ERICH3: variants seen among roughly 807,000 people sequenced by gnomAD.
ERICH3 encodes the protein glutamate rich 3.
Under a neutral mutation model 131.1 loss-of-function variants are expected in ERICH3, and 126 were observed. The observed-to-expected ratio is 0.96, with a 90% confidence interval of 0.83 to 1.11. ERICH3 has a LOEUF of 1.11. Among genes scored for constraint, ERICH3 ranks in the 50% most tolerant of loss-of-function variants. The pLI, the probability that ERICH3 is intolerant of heterozygous loss-of-function variation, is 0.00. For synonymous variants in ERICH3, 695 were observed against 644.6 expected (o/e 1.08, Z -1.18); for missense variants, 2,050 against 1,810.7 (o/e 1.13, Z -2.40).
intron 12 of ERICH3, chr1:74,579,579 G>A (rs566597192): frequency 4.1e-6 from 4 of 985,382 alleles, no homozygotes; most frequent in Non-Finnish European, 4.8e-6. Context: ...AAGTATCAAG[G>A]ACTTACTAGG....
rs557592567 is a variant in ERICH3 at position 74,586,528 on chromosome 1, T to A, written c.2176+3103A>T. On this transcript the variant is annotated intron_variant, in intron 12 of 14. Coordinates refer to ENST00000326665, the MANE Select transcript of ERICH3 (RefSeq NM_001002912.5). ...TAATGTTTAAACATTTAAACCAAAT[T>A]TTTGTGAGAAAAAAGTTTATCAAAA... 1.9e-4 allele frequency: 190 copies of A among 975,806 alleles called. No homozygotes were observed. In the African/African-American group the frequency reaches 3.0e-3, roughly 16 times the overall value. The allele number at this position is 975,806 out of a possible 1,614,324, so 60.4% of individuals were successfully genotyped here. A position where few individuals can be genotyped will look rare whatever the true frequency, so the allele number is the denominator to read the frequency against.
At chr1:74,587,569 C>G (rs1647394464) in intron 12 of ERICH3, among the ~76,000 whole-genome samples, 1 of 152,040 alleles carries the variant, frequency 6.6e-6, no homozygotes, top group Non-Finnish European at 1.5e-5. Flanking sequence ...AGTGCTACAT[C>G]TCTGATATTC....
At chr1:74,668,108 C>G (rs1276752718) in intron 1 of ERICH3, among the ~76,000 whole-genome samples, 5 of 152,082 alleles carry the variant, frequency 3.3e-5, no homozygotes, top group Non-Finnish European at 7.4e-5. Flanking sequence ...AACCTTTTTT[C>G]TTTATAAATT....
intron 11 of ERICH3, among the ~76,000 whole-genome samples, chr1:74,594,893 T>C (rs534576330): frequency 6.6e-6 from 1 of 152,258 alleles, no homozygotes; most frequent in South Asian, 2.1e-4. Flanking sequence ...TGTTTTTGGT[T>C]TATTAGCTGG....
chr1:74,665,290 C>A (rs1646680503), intron 1 of ERICH3, among the ~76,000 whole-genome samples: 1 of 151,222 alleles, frequency 6.6e-6, no homozygotes, highest in Non-Finnish European at 1.5e-5. Context: ...GCTCCCCAAC[C>A]TCCAGAGCCG....
At chr1:74,665,818 T>C (rs1646686756) in intron 1 of ERICH3, among the ~76,000 whole-genome samples, 1 of 152,114 alleles carries the variant, frequency 6.6e-6, no homozygotes, top group Non-Finnish European at 1.5e-5. Context: ...TCTGAGGAAC[T>C]GAGGGTTAGG....
chr1:74,581,879 T>C (rs1647188355), intron 12 of ERICH3, among the ~76,000 whole-genome samples: 1 of 152,188 alleles, frequency 6.6e-6, no homozygotes, highest in African/African-American at 2.4e-5. Context: ...TAGTTTCCAA[T>C]TCCAATTCAG....
At chr1:74,573,665 A>G (rs1192220963) in intron 13 of ERICH3, among the ~76,000 whole-genome samples, 174 bp from the exon 14 acceptor site, 1 of 152,216 alleles carries the variant, frequency 6.6e-6, no homozygotes, top group Non-Finnish European at 1.5e-5. Flanking sequence ...GCTGACTATA[A>G]CATGCACCAT....
intron 3 of ERICH3, among the ~76,000 whole-genome samples, chr1:74,646,138 T>C (rs1437108191): frequency 6.6e-6 from 1 of 152,030 alleles, no homozygotes; most frequent in Non-Finnish European, 1.5e-5. Flanking sequence ...TTGACCAGAG[T>C]GGCCTACGGT....
At chr1:74,577,891 G>C (rs760309580) in intron 12 of ERICH3, among the ~76,000 whole-genome samples, 6 of 152,182 alleles carry the variant, frequency 3.9e-5, no homozygotes, top group Non-Finnish European at 8.8e-5. Flanking sequence ...TACTAGAGCT[G>C]ACTAAACTAT....
chr1:74,661,522 G>T (rs1470653970), intron 1 of ERICH3, among the ~76,000 whole-genome samples: 1 of 152,134 alleles, frequency 6.6e-6, no homozygotes, highest in Non-Finnish European at 1.5e-5. Flanking sequence ...CCATTTAAAA[G>T]AAATTAGTTT....
rs910688625 is a variant in ERICH3 at position 74,649,195 on chromosome 1, G to T, written c.117+27C>A. 4.0e-6 allele frequency: 6 copies of T among 1,497,852 alleles called. No individual in the cohort carries two copies. The African/African-American group carries it at 7.0e-5, about 17-fold the overall frequency. 92.8% of individuals were successfully genotyped at this position (1,497,852 alleles called of 1,614,324 possible). A position where few individuals can be genotyped will look rare whatever the true frequency, so the allele number is the denominator to read the frequency against. ...TTATTGGACTTAATGAAACAAGAAG[G>T]TCAGTGGAAAGTAAACCAAAACTTA... is the stretch of plus-strand genomic sequence containing the variant. On this transcript the variant is annotated intron_variant, in intron 2 of 14. Transcript: ENST00000326665.
At chr1:74,664,423 A>G (rs1646670433) in intron 1 of ERICH3, among the ~76,000 whole-genome samples, 1 of 152,140 alleles carries the variant, frequency 6.6e-6, no homozygotes, top group Non-Finnish European at 1.5e-5. Context: ...CAGAAACAAT[A>G]TTATGGCAAA....
intron 1 of ERICH3, among the ~76,000 whole-genome samples, chr1:74,672,273 T>G (rs1646749182): frequency 3.9e-5 from 6 of 152,184 alleles, no homozygotes; most frequent in Admixed American, 3.9e-4. Context: ...GCATCTTACA[T>G]GACCCACAGA....
chr1:74,665,147 G>T (rs1340323152), intron 1 of ERICH3, among the ~76,000 whole-genome samples: 13 of 151,768 alleles, frequency 8.6e-5, no homozygotes, highest in Non-Finnish European at 1.5e-5. Context: ...CACCCCTTCT[G>T]CCATGTGAGG....
chr1:74,572,636 C>T lies in ERICH3; in HGVS notation c.3074G>A (p.Cys1025Tyr). Residue 1025 changes from cysteine (C) to tyrosine (Y), a missense_variant, in exon 14 of 15, where the codon TGC becomes TAC. Coordinates refer to ENST00000326665, the MANE Select transcript of ERICH3 (RefSeq NM_001002912.5). ...CTCTTCCCCTTCCACATCTTCCTTG[C>T]AAAGGAAGGCTTCCTTTGCAAGGCT... The part of the protein sequence containing the change: ...EGSLAKEAFL[C>Y]KEDVEGEEMV... 1.2e-6 allele frequency: 2 copies of T among 1,613,982 alleles called. No homozygotes were observed. Among genetic ancestry groups the T allele is most frequent in the Non-Finnish European group, 1.7e-6 (2 of 1,179,968 alleles).
chr1:74,619,074 T>C (rs1412739670), intron 8 of ERICH3, among the ~76,000 whole-genome samples: 3 of 152,212 alleles, frequency 2.0e-5, no homozygotes, highest in African/African-American at 7.2e-5. Flanking sequence ...GACAAAATTA[T>C]TGCATCGACA....
intron 1 of ERICH3, among the ~76,000 whole-genome samples, chr1:74,659,684 CT>C (rs1171742089): frequency 1.3e-5 from 2 of 152,194 alleles, no homozygotes; most frequent in Admixed American, 1.3e-4. Context: ...TGCACAATCT[CT>C]GTTAATCTGC....
In ERICH3 at chr1:74,572,968, CT is replaced by C. The variant is rs1297086030; in HGVS notation, c.2741del (p.Glu914GlyfsTer6). On this transcript the variant is annotated frameshift_variant, in exon 14 of 15. Transcript: ENST00000326665. LOFTEE classifies it high-confidence loss of function. ...TCAGGGCTGCTACTTCATGAAGATGCTCCAAGTTCAGGGCTGCTGCTTCATT... is the reference window on the plus strand; with the variant it reads ...TCAGGGCTGCTACTTCATGAAGATGCCCAAGTTCAGGGCTGCTGCTTCATT... ...LANEAAALNL[E>X]HLHEVAALRE... The C allele has an allele frequency of 2.5e-6, 4 of 1,614,038 alleles. No individual in the cohort carries two copies. Among genetic ancestry groups the C allele is most frequent in the Non-Finnish European group, 2.5e-6 (3 of 1,180,036 alleles).
Sources: allele counts gnomAD v4.1 joint callset (sites outside exome capture counted in the v4.1 genomes callset), GRCh38; gene constraint gnomAD v4.1.1; transcripts MANE v1.5; gene names NCBI Gene and HGNC (gene_info 2026-07-23, HGNC 2026-07-21).